The following MFF variants were observed in gnomAD, a reference collection of about 807,000 sequenced individuals.
MFF encodes the protein chromosome 2 open reading frame 33.
In MFF, 12 loss-of-function variants were observed where a neutral mutation model predicts 36.9. The ratio of observed to expected loss-of-function variants is 0.33; its 90% CI spans 0.21 to 0.53. MFF has a LOEUF of 0.53. Among genes scored for constraint, MFF ranks in the 20% least tolerant of loss-of-function variants. The probability of loss-of-function intolerance (pLI) is 0.95; values close to 1 mark genes in which losing one functional copy is unlikely to be tolerated. For synonymous variants in MFF, 99 were observed against 126.2 expected (o/e 0.78, Z 1.44); for missense variants, 348 against 366.6 (o/e 0.95, Z 0.42).
At chr2:227,339,288 T>G (rs1326348244) in intron 4 of MFF, among the ~76,000 whole-genome samples, 1 of 152,074 alleles carries the variant, frequency 6.6e-6, no homozygotes, top group East Asian at 1.9e-4. Flanking sequence ...TAACAAATCA[T>G]CTTAAACTTA....
At chr2:227,332,953 A>T (rs1472178513) in intron 4 of MFF, among the ~76,000 whole-genome samples, 2 of 152,236 alleles carry the variant, frequency 1.3e-5, no homozygotes, top group African/African-American at 4.8e-5. Flanking sequence ...GGGCAAAGAA[A>T]ACCCTTTTTC....
intron 2 of MFF, chr2:227,329,307 G>A (rs922775882): frequency 5.6e-6 from 1 of 178,458 alleles, no homozygotes; most frequent in Non-Finnish European, 1.2e-5. Flanking sequence ...GATTAGAGGA[G>A]TTTTATGGCA....
chr2:227,330,498 T>C, intron 2 of MFF, 128 bp from the exon 3 acceptor site: 2 of 613,538 alleles, frequency 3.3e-6, no homozygotes, highest in Non-Finnish European at 5.7e-6. Context: ...TTGCTTTGTA[T>C]GTGTTCAGTA....
intron 5 of MFF, 184 bp from the exon 6 acceptor site, chr2:227,347,042 C>T (rs147656776): frequency 7.3e-5 from 39 of 532,646 alleles, no homozygotes; most frequent in African/African-American, 6.8e-4. Flanking sequence ...TAAGTGCTGC[C>T]TTGTAGCTAG....
rs572787657 is a variant in MFF at position 227,331,959 on chromosome 2, A to ATATTTTTTTTTTTTTTTTTT, written c.182-459_182-458insATTTTTTTTTTTTTTTTTTT. Among the ~76,000 whole-genome samples, 6 of 76,842 alleles carry ATATTTTTTTTTTTTTTTTTT rather than the reference A, an allele frequency of 7.8e-5. 1 individual carries two copies. The highest frequency in any genetic ancestry group is 2.7e-4 in the African/African-American group (6 of 21,946). The allele number at this position is 76,842 out of a possible 152,430, so 50.4% of individuals were successfully genotyped here. On this transcript the variant is annotated intron_variant, in intron 3 of 8. Transcript: ENST00000304593. ...AGTGAAATGTCAATACGCTGGAAGC[A>ATATTTTTTTTTTTTTTTTTT]TTTTTTTTTTTTTTTTTTTTTTTTT...
chr2:227,340,231 A>G (rs1379799447), intron 4 of MFF, 61 bp from the exon 5 acceptor site: 1 of 1,378,124 alleles, frequency 7.3e-7, no homozygotes, highest in African/African-American at 1.4e-5. Flanking sequence ...TTTTGATGCT[A>G]AGCAGCTACT....
chr2:227,335,611 G>T (rs1174574692), intron 4 of MFF, among the ~76,000 whole-genome samples: 2 of 152,224 alleles, frequency 1.3e-5, no homozygotes, highest in Non-Finnish European at 2.9e-5. Flanking sequence ...CCTATCTCAA[G>T]AAAGGAGAAG....
At chr2:227,346,160 T>C (rs1351947528) in intron 5 of MFF, 1 of 166,804 alleles carries the variant, frequency 6.0e-6, no homozygotes, top group Admixed American at 6.5e-5. Context: ...TAGAAAAGAT[T>C]ACACAGTCAA....
At position 227,353,535 on chromosome 2, in the gene MFF, T is replaced by G. The variant is rs530387616; in HGVS notation, c.659+962T>G. 3.7e-4 allele frequency among the ~76,000 whole-genome samples: 56 copies of G among 152,314 alleles called. 1 individual carries two copies. In the Middle Eastern group the frequency reaches 0.02, roughly 56 times the overall value. Reference sequence around the variant, plus strand: ...TGCTGACTTGTTTCTTTTTACAATCTTAGTTCAGTTCATTGTCGTTTTCCC... The same window carrying G: ...TGCTGACTTGTTTCTTTTTACAATCGTAGTTCAGTTCATTGTCGTTTTCCC... On this transcript the variant is annotated intron_variant, in intron 7 of 8. Coordinates refer to ENST00000304593, the MANE Select transcript of MFF (RefSeq NM_001277062.2).
chr2:227,343,168 A>C (rs891390282), intron 5 of MFF, among the ~76,000 whole-genome samples: 1 of 146,784 alleles, frequency 6.8e-6, no homozygotes, highest in Non-Finnish European at 1.5e-5. Context: ...AGTGATCCCA[A>C]TTTTTTTTTT....
At chr2:227,346,405 G>A (rs1445470524) in intron 5 of MFF, 1 of 164,402 alleles carries the variant, frequency 6.1e-6, no homozygotes, top group African/African-American at 2.4e-5. Flanking sequence ...AAGAGTTTAG[G>A]TTAGAACCAT....
intron 7 of MFF, among the ~76,000 whole-genome samples, chr2:227,354,859 T>C (rs1444466184): frequency 1.3e-5 from 2 of 152,074 alleles, no homozygotes; most frequent in Admixed American, 6.6e-5. Flanking sequence ...GCATAAGTAA[T>C]TGGAAATAAG....
At chr2:227,353,601 C>G (rs1478513075) in intron 7 of MFF, among the ~76,000 whole-genome samples, 1 of 152,116 alleles carries the variant, frequency 6.6e-6, no homozygotes, top group African/African-American at 2.4e-5. Flanking sequence ...ATCTTTCTGT[C>G]AGAGTATTTT....
At chr2:227,341,348 A>G (rs2106402207) in intron 5 of MFF, among the ~76,000 whole-genome samples, 2 of 151,944 alleles carry the variant, frequency 1.3e-5, no homozygotes, top group Middle Eastern at 6.8e-3. Context: ...TTCTATATAA[A>G]TTATTTGCTT....
chr2:227,327,536 C>A (rs2074250623), intron 1 of MFF, among the ~76,000 whole-genome samples: 1 of 152,152 alleles, frequency 6.6e-6, no homozygotes, highest in Admixed American at 6.5e-5. Flanking sequence ...GTAAGTAGTT[C>A]AGCTACAGGA....
At chr2:227,326,389 G>A (rs1423011517) in intron 1 of MFF, among the ~76,000 whole-genome samples, 1 of 151,444 alleles carries the variant, frequency 6.6e-6, no homozygotes, top group Non-Finnish European at 1.5e-5. Flanking sequence ...GAGCCCAAAA[G>A]AAAAACCCTT....
At chr2:227,327,417 TCTAA>T (rs1223800565) in intron 1 of MFF, among the ~76,000 whole-genome samples, 2 of 151,722 alleles carry the variant, frequency 1.3e-5, no homozygotes, top group African/African-American at 2.4e-5. Context: ...AATGCCACAG[TCTAA>T]CGAGGGAGAA....
At chr2:227,348,311 C>T (rs1005015265) in intron 6 of MFF, among the ~76,000 whole-genome samples, 7 of 152,124 alleles carry the variant, frequency 4.6e-5, no homozygotes, top group African/African-American at 1.7e-4. Flanking sequence ...GCTTGTAGTC[C>T]TCACACAGGC....
In MFF at chr2:227,357,185, G is replaced by A. The variant is rs773261268; in HGVS notation, c.*68G>A. The A allele has an allele frequency of 1.2e-4, 178 of 1,545,372 alleles. No individual in the cohort carries two copies. The highest frequency in any genetic ancestry group is 1.4e-4 in the Non-Finnish European group (162 of 1,136,348). ...ATATAAAAGATTTGCAAACTTCTTT[G>A]TTTCTGTCTCTGCATTGTATGCCAT... is the stretch of plus-strand genomic sequence containing the variant. On this transcript the variant is annotated 3_prime_UTR_variant, in exon 9 of 9. Transcript: ENST00000304593.
Sources: gnomAD v4.1 joint callset for allele counts (sites outside exome capture counted in the v4.1 genomes callset) on GRCh38, gnomAD v4.1.1 for gene constraint, MANE v1.5 for transcripts, NCBI Gene and HGNC (gene_info 2026-07-23, HGNC 2026-07-21) for gene names.